DNAAF9: variants seen among roughly 807,000 people sequenced by gnomAD.
The protein encoded by DNAAF9 is shulin.
In DNAAF9, 90 loss-of-function variants were observed where a neutral mutation model predicts 167.0. That is an observed-to-expected ratio of 0.54 (90% CI 0.45 to 0.64). DNAAF9 has a LOEUF of 0.64. Among genes scored for constraint, DNAAF9 ranks in the 30% least tolerant of loss-of-function variants. The pLI, the probability that DNAAF9 is intolerant of heterozygous loss-of-function variation, is 0.00. For synonymous variants in DNAAF9, 491 were observed against 508.8 expected (o/e 0.96, Z 0.47); for missense variants, 1,315 against 1,442.2 (o/e 0.91, Z 1.43).
At chr20:3,286,286 T>TGGTC (rs1265207545) in intron 27 of DNAAF9, among the ~76,000 whole-genome samples, 11 of 152,016 alleles carry the variant, frequency 7.2e-5, no homozygotes, top group Admixed American at 7.2e-4. Flanking sequence ...AGTATAAGAG[T>TGGTC]GGTCTGGTCA....
At chr20:3,319,234 G>C (rs2069568133) in intron 16 of DNAAF9, among the ~76,000 whole-genome samples, 1 of 135,408 alleles carries the variant, frequency 7.4e-6, no homozygotes, top group South Asian at 2.3e-4. Context: ...CTGCACTCCA[G>C]CCTGGGCAAC....
intron 6 of DNAAF9, chr20:3,362,147 A>G (rs886787704): frequency 1.2e-5 from 17 of 1,405,766 alleles, no homozygotes; most frequent in Non-Finnish European, 1.7e-5. Context: ...CGGTTTTCAT[A>G]AATTGTTCCT....
intron 10 of DNAAF9, among the ~76,000 whole-genome samples, chr20:3,336,815 T>A (rs934088660): frequency 1.3e-5 from 2 of 152,002 alleles, no homozygotes; most frequent in African/African-American, 4.8e-5. Context: ...AGTGCAGGGA[T>A]TAAAGTTGTA....
intron 6 of DNAAF9, among the ~76,000 whole-genome samples, chr20:3,370,515 T>C (rs2083493003): frequency 6.6e-6 from 1 of 152,054 alleles, no homozygotes; most frequent in Non-Finnish European, 1.5e-5. Flanking sequence ...GTTCAAGTGA[T>C]TCTCCTGCCT....
chr20:3,343,875 G>A (rs1303913565), intron 8 of DNAAF9, 144 bp from the exon 9 acceptor site: 7 of 536,232 alleles, frequency 1.3e-5, no homozygotes, highest in East Asian at 3.0e-5. Flanking sequence ...GTGCATGTGC[G>A]TGTGTGTGAC....
intron 13 of DNAAF9, among the ~76,000 whole-genome samples, chr20:3,325,485 C>T (rs908547006): frequency 5.3e-5 from 8 of 152,312 alleles, no homozygotes; most frequent in East Asian, 1.9e-4. Context: ...CTGAGAAATC[C>T]GGAGTCAGTA....
At chr20:3,380,208 C>A (rs1257151445) in intron 3 of DNAAF9, among the ~76,000 whole-genome samples, 1 of 152,126 alleles carries the variant, frequency 6.6e-6, no homozygotes, top group Non-Finnish European at 1.5e-5. Flanking sequence ...TTTTTCTAAA[C>A]CAGCAGATGT....
At chr20:3,260,322 G>C (rs1317567748) in intron 31 of DNAAF9, among the ~76,000 whole-genome samples, 6 of 152,068 alleles carry the variant, frequency 3.9e-5, no homozygotes, top group Non-Finnish European at 5.9e-5. Flanking sequence ...GTCCGGCCTG[G>C]GCGACAGAGC....
chr20:3,281,975 A>G (rs1436721601), intron 27 of DNAAF9, among the ~76,000 whole-genome samples: 2 of 152,174 alleles, frequency 1.3e-5, no homozygotes, highest in African/African-American at 2.4e-5. Context: ...ATTAGTCCTC[A>G]TAACTGGGCA....
chr20:3,291,344 T>TG (rs2068948837), intron 25 of DNAAF9, among the ~76,000 whole-genome samples: 1 of 150,788 alleles, frequency 6.6e-6, no homozygotes, highest in Admixed American at 6.6e-5. Flanking sequence ...TAAGTTTTTT[T>TG]GTTTTTTTTT....
At chr20:3,321,236 G>A (rs930962991) in intron 16 of DNAAF9, among the ~76,000 whole-genome samples, 4 of 152,186 alleles carry the variant, frequency 2.6e-5, no homozygotes, top group African/African-American at 9.7e-5. Flanking sequence ...GATACATTCT[G>A]AGAAATGCAT....
At chr20:3,291,980 T>C (rs978860416) in intron 25 of DNAAF9, among the ~76,000 whole-genome samples, 7 of 151,918 alleles carry the variant, frequency 4.6e-5, no homozygotes, top group Non-Finnish European at 1.0e-4. Context: ...ATGTTTTTAC[T>C]TTAAGGCCAA....
chr20:3,369,862 G>A (rs2083485306), intron 6 of DNAAF9, among the ~76,000 whole-genome samples: 1 of 151,724 alleles, frequency 6.6e-6, no homozygotes, highest in African/African-American at 2.4e-5. Context: ...ACATTCACTT[G>A]TCCTATGGTT....
chr20:3,382,467 C>T lies in DNAAF9; in HGVS notation c.123G>A (p.Gln41=). The part of the protein sequence containing the change: ...RLRQVQSILT[Q]SSKSRPDGIL... The stretch of plus-strand genomic sequence containing the variant: ...TCCCATCCGGCCGAGACTTGCTGCT[C>T]TGGGTCAGGATGCTCTGAACCTGCC... The change falls in exon 2 of 37, where the codon CAG becomes CAA. Residue 41 remains glutamine (Q), a synonymous_variant. Transcript: ENST00000252032. The T allele has an allele frequency of 6.2e-7, 1 of 1,613,982 alleles. No homozygotes were observed. Among genetic ancestry groups the T allele is most frequent in the Non-Finnish European group, 8.5e-7 (1 of 1,179,876 alleles).
chr20:3,370,412 C>T (rs886266322), intron 6 of DNAAF9, among the ~76,000 whole-genome samples: 1 of 146,312 alleles, frequency 6.8e-6, no homozygotes, highest in Non-Finnish European at 1.5e-5. Context: ...CTGTGCCTCG[C>T]TAATTTTTTT....
At chr20:3,382,644 G>A in intron 1 of DNAAF9, 138 bp from the exon 2 acceptor site, 1 of 688,222 alleles carries the variant, frequency 1.5e-6, no homozygotes, top group Non-Finnish European at 2.6e-6. Context: ...GTCTGGTTCT[G>A]GTATCAGAAC....
chr20:3,290,324 A>C, intron 25 of DNAAF9, 107 bp from the exon 26 acceptor site: 1 of 743,502 alleles, frequency 1.3e-6, no homozygotes, highest in East Asian at 2.5e-5. Flanking sequence ...TGTGAACCTC[A>C]GTATGACCTC....
chr20:3,313,068 A>AC (rs1266781986), intron 20 of DNAAF9, among the ~76,000 whole-genome samples: 1 of 152,254 alleles, frequency 6.6e-6, no homozygotes, highest in Non-Finnish European at 1.5e-5. Flanking sequence ...CTCTGCTAAG[A>AC]AGGTGCAAAC....
At chr20:3,288,374 C>T (rs1188516287) in intron 26 of DNAAF9, among the ~76,000 whole-genome samples, 1 of 152,130 alleles carries the variant, frequency 6.6e-6, no homozygotes, top group African/African-American at 2.4e-5. Flanking sequence ...CGCTTGACCC[C>T]GGGAGGCAGA....
Sources: allele counts gnomAD v4.1 joint callset (sites outside exome capture counted in the v4.1 genomes callset), GRCh38; gene constraint gnomAD v4.1.1; transcripts MANE v1.5; gene names NCBI Gene and HGNC (gene_info 2026-07-23, HGNC 2026-07-21).